Variants in IL1RAPL2 observed in about 807,000 individuals in gnomAD.
IL1RAPL2 encodes X-linked interleukin-1 receptor accessory protein-like 2.
Under a neutral mutation model 44.1 loss-of-function variants are expected in IL1RAPL2, and 3 were observed. The observed-to-expected ratio is 0.07, with a 90% CI of 0.03 to 0.18. The LOEUF (loss-of-function observed/expected upper bound fraction) is 0.18, where lower values mean the gene tolerates loss of function less well. Ranked by LOEUF, IL1RAPL2 falls within the 10% of genes least tolerant of loss-of-function variation. IL1RAPL2 has a pLI of 1.00. For synonymous variants in IL1RAPL2, 181 were observed against 178.8 expected, an observed-to-expected ratio of 1.01 and a Z score of -0.10; for missense variants, 391 against 496.4, an observed-to-expected ratio of 0.79 and a Z score of 2.02.
rs1224537853 is a variant in IL1RAPL2, at chrX:105,379,974, G to A, written c.698-104339G>A. Among the ~76,000 whole-genome samples the A allele has an allele frequency of 4.5e-5, 5 of 111,499 alleles. No homozygotes were observed. The Admixed American group carries it at 4.8e-4, about 11-fold the overall frequency. Reference sequence around the variant, plus strand: ...TCTGCCCACACCCTATCCCTGGGGGGCATCTGTGAAGGTAATAATGAGAAT... The same window carrying A: ...TCTGCCCACACCCTATCCCTGGGGGACATCTGTGAAGGTAATAATGAGAAT... On this transcript the variant is annotated intron_variant, in intron 5 of 10. Transcript: ENST00000372582.
chrX:105,763,261 C>T (rs1310904769), intron 10 of IL1RAPL2, among the ~76,000 whole-genome samples: 1 of 111,764 alleles, frequency 8.9e-6, no homozygotes, highest in African/African-American at 3.3e-5. Flanking sequence ...ACAAGCCATA[C>T]AAAAACAGGA....
intron 3 of IL1RAPL2, among the ~76,000 whole-genome samples, chrX:105,198,376 T>C (rs1399341411): frequency 8.9e-6 from 1 of 111,995 alleles, no homozygotes; most frequent in Non-Finnish European, 1.9e-5. Context: ...ATACACTTTG[T>C]TTCCAGTATT....
intron 8 of IL1RAPL2, among the ~76,000 whole-genome samples, chrX:105,742,308 T>A (rs2038506912): frequency 9.0e-6 from 1 of 111,208 alleles, no homozygotes; most frequent in Non-Finnish European, 1.9e-5. Flanking sequence ...GGAGTGAGAA[T>A]GCAAAGAAAG....
At chrX:104,873,166 G>A in intron 2 of IL1RAPL2, among the ~76,000 whole-genome samples, 1 of 111,506 alleles carries the variant, frequency 9.0e-6, no homozygotes, top group Non-Finnish European at 1.9e-5. Flanking sequence ...TACTGGCATA[G>A]TTGGGTTCTG....
chrX:105,000,588 C>G (rs898799734), intron 2 of IL1RAPL2, among the ~76,000 whole-genome samples: 1 of 111,404 alleles, frequency 9.0e-6, no homozygotes, highest in Admixed American at 9.6e-5. Context: ...CTGACCCTGG[C>G]TTTTTTCTAA....
chrX:104,775,254 G>C (rs969322045), intron 2 of IL1RAPL2, among the ~76,000 whole-genome samples: 1 of 112,186 alleles, frequency 8.9e-6, no homozygotes, highest in African/African-American at 3.2e-5. Flanking sequence ...CTACAATCAG[G>C]GTGGATGGTG....
At chrX:104,765,272 C>T (rs1932535996) in intron 2 of IL1RAPL2, among the ~76,000 whole-genome samples, 1 of 111,305 alleles carries the variant, frequency 9.0e-6, no homozygotes, top group South Asian at 3.7e-4. Context: ...TTTTGGGTTT[C>T]TTCCTGGTTC....
intron 10 of IL1RAPL2, among the ~76,000 whole-genome samples, chrX:105,765,762 G>T (rs765835708): frequency 2.7e-5 from 3 of 112,930 alleles, no homozygotes; most frequent in Non-Finnish European, 5.6e-5. Flanking sequence ...ATATGCATCT[G>T]TAAAGTAAGT....
At chrX:105,175,209 G>A (rs2033461727) in intron 2 of IL1RAPL2, among the ~76,000 whole-genome samples, 1 of 111,080 alleles carries the variant, frequency 9.0e-6, no homozygotes, top group African/African-American at 3.3e-5. Context: ...ACTTAAACTT[G>A]ACAAAAACCC....
rs193239294 is a variant in IL1RAPL2 at position 104,581,950 on chromosome X, A to T, written c.-20+14899A>T. 4.1e-3 allele frequency among the ~76,000 whole-genome samples: 454 copies of T among 111,918 alleles called. 3 individuals carry two copies. Among genetic ancestry groups the T allele is most frequent in the Non-Finnish European group, 5.3e-3 (281 of 53,202 alleles). ...CAGCTCCTATGACACTAAAATTTAG[A>T]TACCAGAATAAAGAATGGAAGGTAA... On this transcript the variant is annotated intron_variant, in intron 1 of 10. Coordinates refer to ENST00000372582, the MANE Select transcript of IL1RAPL2 (RefSeq NM_017416.2).
At chrX:104,873,293 T>C (rs907204781) in intron 2 of IL1RAPL2, among the ~76,000 whole-genome samples, 5 of 111,355 alleles carry the variant, frequency 4.5e-5, no homozygotes, top group Non-Finnish European at 9.4e-5. Flanking sequence ...CTGAGTTACC[T>C]CCAAAAAAGC....
chrX:105,262,014 AGT>A (rs2034363585), intron 4 of IL1RAPL2, among the ~76,000 whole-genome samples: 1 of 111,619 alleles, frequency 9.0e-6, no homozygotes, highest in Non-Finnish European at 1.9e-5. Context: ...AAGGAGCTAG[AGT>A]TGGATAGTTT....
rs768814568 is a variant in IL1RAPL2, at chrX:105,640,654, GTATATATATATATATATATATATATA to G, written c.773-76700_773-76675del. Reference sequence around the variant, plus strand: ...AAGTACACAAATTATGTATGTGTGTGTATATATATATATATATATATATATATATATATATATACACACACATATAC... The same window carrying G: ...AAGTACACAAATTATGTATGTGTGTGTATATATATATACACACACATATAC... On this transcript the variant is annotated intron_variant, in intron 6 of 10. Coordinates refer to ENST00000372582, the MANE Select transcript of IL1RAPL2 (RefSeq NM_017416.2). Among the ~76,000 whole-genome samples the G allele has an allele frequency of 1.0e-2, 594 of 59,473 alleles. 9 individuals carry two copies. Among genetic ancestry groups the G allele is most frequent in the Middle Eastern group, 0.044 (3 of 68 alleles). The allele number at this position is 59,473 out of a possible 115,157, so 51.6% of individuals were successfully genotyped here. A position where few individuals can be genotyped will look rare whatever the true frequency, so the allele number is the denominator to read the frequency against.
rs190131267 is a variant in IL1RAPL2 at position 105,403,901 on chromosome X, G to A, written c.698-80412G>A. On this transcript the variant is annotated intron_variant, in intron 5 of 10. Transcript: ENST00000372582. ...TCTCTTTCTTCCCTCTTTTGTTAAC[G>A]TAATAATTTATCAACCAGTTTTTCT... 4.8e-3 allele frequency among the ~76,000 whole-genome samples: 537 copies of A among 111,225 alleles called. 5 individuals are homozygous for A. The highest frequency in any genetic ancestry group is 0.017 in the African/African-American group (509 of 30,575).
At chrX:105,707,999 C>G (rs190377203) in intron 6 of IL1RAPL2, among the ~76,000 whole-genome samples, 24 of 110,424 alleles carry the variant, frequency 2.2e-4, no homozygotes, top group African/African-American at 7.6e-4. Flanking sequence ...TAATGAATGG[C>G]AAGACCAGAG....
chrX:104,757,368 G>A (rs1049544157), intron 2 of IL1RAPL2, among the ~76,000 whole-genome samples: 2 of 111,537 alleles, frequency 1.8e-5, no homozygotes, highest in African/African-American at 6.5e-5. Flanking sequence ...AGCTCTGTTT[G>A]GAGTATGTTT....
intron 2 of IL1RAPL2, among the ~76,000 whole-genome samples, chrX:105,027,057 A>G (rs1355112890): frequency 9.0e-6 from 1 of 111,552 alleles, no homozygotes; most frequent in Non-Finnish European, 1.9e-5. Flanking sequence ...AAAGATGCCA[A>G]AAGCATACAC....
At chrX:105,415,015 G>A (rs2035722667) in intron 5 of IL1RAPL2, among the ~76,000 whole-genome samples, 1 of 111,902 alleles carries the variant, frequency 8.9e-6, no homozygotes, top group Non-Finnish European at 1.9e-5. Flanking sequence ...GGAAGATAAG[G>A]GGGAGGAAGA....
chrX:104,982,499 T>C (rs2030460613), intron 2 of IL1RAPL2, among the ~76,000 whole-genome samples: 1 of 111,591 alleles, frequency 9.0e-6, no homozygotes, highest in Non-Finnish European at 1.9e-5. Flanking sequence ...ATCTTTGAAC[T>C]AGTTTTATAG....
Sources: gnomAD v4.1 joint callset for allele counts (sites outside exome capture counted in the v4.1 genomes callset) on GRCh38, gnomAD v4.1.1 for gene constraint, MANE v1.5 for transcripts, NCBI Gene and HGNC (gene_info 2026-07-23, HGNC 2026-07-21) for gene names.